The following EGF variants were observed in gnomAD, a reference collection of about 807,000 sequenced individuals.
EGF encodes the protein epidermal growth factor.
A neutral mutation model predicts 143.8 loss-of-function variants in EGF; 95 were observed. That is an observed-to-expected ratio of 0.66 (90% CI 0.56 to 0.78). The LOEUF is 0.78. Ranked by LOEUF, EGF falls within the 30% of genes least tolerant of loss-of-function variation. The pLI is 0.00. For missense variants in EGF, 1,320 were observed against 1,470.9 expected (o/e 0.90, Z 1.68); for synonymous variants, 510 against 510.5 (o/e 1.00, Z 0.01).
chr4:109,917,482 C>T (rs1736879887), intron 1 of EGF, among the ~76,000 whole-genome samples: 1 of 151,272 alleles, frequency 6.6e-6, no homozygotes, highest in East Asian at 1.9e-4. Flanking sequence ...GGTTTTTTAG[C>T]TTTTAGTTTT....
intron 20 of EGF, 36 bp from the exon 21 acceptor site, chr4:109,999,643 G>A (rs754605841): frequency 9.7e-5 from 157 of 1,613,982 alleles, no homozygotes; most frequent in Non-Finnish European, 1.3e-4. Context: ...TTTTGGCCAG[G>A]CATCTCTGAT....
intron 1 of EGF, among the ~76,000 whole-genome samples, chr4:109,934,701 C>T (rs1560647972): frequency 1.3e-5 from 2 of 152,172 alleles, no homozygotes; most frequent in Non-Finnish European, 2.9e-5. Flanking sequence ...TTAGGTCTTA[C>T]ATTTAAGTCT....
At chr4:109,948,749 G>A (rs1743296588) in intron 5 of EGF, among the ~76,000 whole-genome samples, 1 of 152,058 alleles carries the variant, frequency 6.6e-6, no homozygotes, top group African/African-American at 2.4e-5. Context: ...GCCTCCCAAA[G>A]TGCTGGGATT....
chr4:109,960,520 C>CT (rs1320725237), intron 6 of EGF, among the ~76,000 whole-genome samples: 1 of 152,068 alleles, frequency 6.6e-6, no homozygotes, highest in Non-Finnish European at 1.5e-5. Context: ...TGGTGTGCAC[C>CT]TGTAGTCCCA....
chr4:110,005,627 G>A (rs1044593635), intron 22 of EGF, among the ~76,000 whole-genome samples: 1 of 152,170 alleles, frequency 6.6e-6, no homozygotes, highest in South Asian at 2.1e-4. Context: ...ATCCACTTCA[G>A]TAATTGATCT....
At position 109,983,541 on chromosome 4, in the gene EGF, G is replaced by A; in HGVS notation, c.2491G>A (p.Asp831Asn). ...HMLVAEIMVSDQDDCAPVGCS... is the reference protein window; with the variant it reads ...HMLVAEIMVSNQDDCAPVGCS... ...GCTAGTGGCTGAAATCATGGTGTCA[G>A]GTATGAATAACTAGTTCTCCAATAT... The change falls in exon 16 of 24, where the codon GAT becomes AAT. Residue 831 changes from aspartate to asparagine, a missense_variant and splice_region_variant. Asp to Asn is a conservative substitution (Grantham distance 23, BLOSUM62 1). Around this residue, in one of 5 missense-constraint regions of EGF, gnomAD observed 1,186 missense variants for 1,313.7 expected, o/e 0.90. Transcript: ENST00000265171. 6.2e-7 allele frequency: 1 copy of A among 1,613,588 alleles called. No homozygotes were observed. The highest frequency in any genetic ancestry group is 8.5e-7 in the Non-Finnish European group (1 of 1,179,698).
At chr4:109,996,895 G>T (rs1751867009) in intron 20 of EGF, among the ~76,000 whole-genome samples, 1 of 152,116 alleles carries the variant, frequency 6.6e-6, no homozygotes, top group Admixed American at 6.5e-5. Flanking sequence ...CTTCTGAACA[G>T]GTCTTCTTTA....
chr4:110,001,535 A>G, intron 21 of EGF: 2 of 894,030 alleles, frequency 2.2e-6, no homozygotes, highest in Non-Finnish European at 1.3e-6. Context: ...GGCAGGAAAA[A>G]AAAATGGAAA....
At position 110,004,608 on chromosome 4, in the gene EGF, T is replaced by C. The variant is rs758061482; in HGVS notation, c.3277T>C (p.Cys1093Arg). 10 of 1,613,754 alleles carry C rather than the reference T, an allele frequency of 6.2e-6. No individual in the cohort carries two copies. Among genetic ancestry groups the C allele is most frequent in the Middle Eastern group, 1.6e-4 (1 of 6,080 alleles). Residue 1093 changes from cysteine (C) to arginine (R), a missense_variant, in exon 22 of 24, where the codon TGC (cysteine) becomes CGC (arginine). Physicochemically the swap from Cys to Arg is radical, Grantham distance 180. Transcript: ENST00000265171. ...PADTEDGMSSCPQPWFVVIKE... is the reference protein window; with the variant it reads ...PADTEDGMSSRPQPWFVVIKE... ...TGACACTGAGGATGGGATGTCCTCT[T>C]GCCCTCAACCTTGGGTAATGTGACC...
At chr4:109,926,571 A>T (rs1230323576) in intron 1 of EGF, among the ~76,000 whole-genome samples, 4 of 151,868 alleles carry the variant, frequency 2.6e-5, no homozygotes, top group African/African-American at 9.7e-5. Context: ...GTTAGCCAGG[A>T]TGGTCTCGAT....
chr4:110,003,798 G>A (rs1752885517), intron 21 of EGF, among the ~76,000 whole-genome samples: 1 of 151,598 alleles, frequency 6.6e-6, no homozygotes, highest in Non-Finnish European at 1.5e-5. Context: ...GATACCTAGT[G>A]TATTTCCTGG....
At position 110,008,187 on chromosome 4, in the gene EGF, TG is replaced by T. The variant is rs2126198022; in HGVS notation, c.3332del (p.Gly1111ValfsTer50). On this transcript the variant is annotated frameshift_variant, in exon 23 of 24. Coordinates refer to ENST00000265171, the MANE Select transcript of EGF (RefSeq NM_001963.6). LOFTEE classifies it low-confidence loss of function (END_TRUNC). The part of the protein sequence containing the change: ...VIKEHQDLKN[G>X]GQPVAGEDGQ... ...TAAAAGAACACCAAGACCTCAAGAATGGGGGTCAACCAGTGGCTGGTGAGGA... is the reference window on the plus strand; with the variant it reads ...TAAAAGAACACCAAGACCTCAAGAATGGGGTCAACCAGTGGCTGGTGAGGA... 1.2e-6 allele frequency: 2 copies of T among 1,614,058 alleles called. No homozygotes were observed. The highest frequency in any genetic ancestry group is 1.7e-6 in the Non-Finnish European group (2 of 1,179,948).
At chr4:110,004,348 T>A in intron 21 of EGF, 157 bp from the exon 22 acceptor site, 1 of 758,276 alleles carries the variant, frequency 1.3e-6, no homozygotes, top group South Asian at 1.4e-5. Context: ...GCCTTAAACA[T>A]CTAAAGTTAT....
At chr4:109,953,358 G>A (rs1157147629) in intron 5 of EGF, among the ~76,000 whole-genome samples, 2 of 152,256 alleles carry the variant, frequency 1.3e-5, no homozygotes, top group Middle Eastern at 3.4e-3. Flanking sequence ...GAGGCTCAAA[G>A]CAATGACATT....
chr4:109,971,713 G>T (rs921743014), intron 11 of EGF, among the ~76,000 whole-genome samples: 4 of 152,124 alleles, frequency 2.6e-5, no homozygotes, highest in African/African-American at 9.7e-5. Flanking sequence ...GAAATGAGAG[G>T]TTTATGGTTT....
chr4:109,959,371 C>A lies in EGF; in HGVS notation c.1000C>A (p.Leu334Ile). Residue 334 changes from leucine (L) to isoleucine (I), a missense_variant, in exon 6 of 24, where the codon CTC (leucine) becomes ATC (isoleucine). Physicochemically the swap from Leu to Ile is conservative, Grantham distance 5 (BLOSUM62 2). Coordinates refer to ENST00000265171, the MANE Select transcript of EGF (RefSeq NM_001963.6). The stretch of plus-strand genomic sequence containing the variant: ...CAGCAGCACTGTGTGTGGGCAAGAC[C>A]TCCAGTCACACTTGTGCATGTGTGC... ...NCSSTVCGQD[L>I]QSHLCMCAEG... The A allele has an allele frequency of 6.2e-7, 1 of 1,613,454 alleles. No individual in the cohort carries two copies. The highest frequency in any genetic ancestry group is 1.1e-5 in the South Asian group (1 of 91,080).
At chr4:109,987,635 C>T in intron 16 of EGF, 109 bp from the exon 17 acceptor site, 1 of 911,174 alleles carries the variant, frequency 1.1e-6, no homozygotes, top group South Asian at 1.3e-5. Context: ...TAACCTGTCC[C>T]AGAACTTGGG....
At chr4:109,933,471 G>A (rs565051532) in intron 1 of EGF, among the ~76,000 whole-genome samples, 62 of 147,198 alleles carry the variant, frequency 4.2e-4, no homozygotes, top group African/African-American at 1.5e-3. Context: ...TGTGCACAAC[G>A]TGCAGGTTTG....
chr4:109,956,414 T>C (rs1744799852), intron 5 of EGF, among the ~76,000 whole-genome samples: 1 of 152,186 alleles, frequency 6.6e-6, no homozygotes, highest in African/African-American at 2.4e-5. Context: ...ATTTCAGTGC[T>C]ATTAAAAGGC....
Sources: allele counts gnomAD v4.1 joint callset (sites outside exome capture counted in the v4.1 genomes callset), GRCh38; gene constraint gnomAD v4.1.1; regional missense constraint gnomAD v4.1.1; transcripts MANE v1.5; gene names NCBI Gene and HGNC (gene_info 2026-07-23, HGNC 2026-07-21).